TEX14: variants seen among roughly 807,000 people sequenced by gnomAD.
TEX14 encodes the protein inactive serine/threonine-protein kinase TEX14.
Under a neutral mutation model 178.6 loss-of-function variants are expected in TEX14, and 168 were observed. That is an observed-to-expected ratio of 0.94 (90% confidence interval 0.83 to 1.07). The LOEUF (loss-of-function observed/expected upper bound fraction) is 1.07, where lower values mean the gene tolerates loss of function less well. Ranked by LOEUF, TEX14 falls within the 50% of genes least tolerant of loss-of-function variation. TEX14 has a pLI of 0.00. For missense variants in TEX14, 1,730 were observed against 1,753.6 expected (o/e 0.99, Z 0.24); for synonymous variants, 626 against 634.1 (o/e 0.99, Z 0.19).
In TEX14 at chr17:58,652,984, T is replaced by C. The variant is rs189574445; in HGVS notation, c.-1-982A>G. Among the ~76,000 whole-genome samples, 52 of 152,334 alleles carry C rather than the reference T, an allele frequency of 3.4e-4. No homozygotes were observed. The East Asian group carries it at 4.8e-3, about 14-fold the overall frequency. ...ACGGAGTCTTACTCTGTCATCAGGC[T>C]GGAGTGCAGTGGCGCGATCTCAGCT... On this transcript the variant is annotated intron_variant, in intron 1 of 31. Transcript: ENST00000349033.
intron 1 of TEX14, among the ~76,000 whole-genome samples, chr17:58,668,288 T>C (rs115780263): frequency 0.022 from 3,424 of 152,282 alleles, 131 homozygotes; most frequent in African/African-American, 0.077. Context: ...CAAGACCCCA[T>C]TGCAGCGGTC....
At chr17:58,613,190 ACT>A (rs1249299138) in intron 9 of TEX14, among the ~76,000 whole-genome samples, 1 of 151,374 alleles carries the variant, frequency 6.6e-6, no homozygotes, top group African/African-American at 2.4e-5. Flanking sequence ...CAACAGAGGG[ACT>A]CTGTCTCAAA....
intron 19 of TEX14, among the ~76,000 whole-genome samples, chr17:58,580,290 A>C (rs1013079070): frequency 1.3e-5 from 2 of 152,108 alleles, no homozygotes; most frequent in African/African-American, 4.8e-5. Context: ...TATAGACATG[A>C]GCCACCACAC....
chr17:58,586,962 TC>T (rs1182935813), intron 17 of TEX14, among the ~76,000 whole-genome samples: 3 of 152,232 alleles, frequency 2.0e-5, no homozygotes, highest in African/African-American at 7.2e-5. Context: ...GCTGGTTCCC[TC>T]CTTGTACCCT....
rs2046010758 is a variant in TEX14, at chr17:58,622,076, G to T, written c.418-290C>A. Among the ~76,000 whole-genome samples, 3 of 152,222 alleles carry T rather than the reference G, an allele frequency of 2.0e-5. No individual in the cohort carries two copies. In the South Asian group the frequency reaches 6.2e-4, roughly 32 times the overall value. The stretch of plus-strand genomic sequence containing the variant: ...CTTTAATAAGCAGGAGCCCCAGAAA[G>T]GAGACTGCACACAGAGGGGCCTGGC... On this transcript the variant is annotated intron_variant, in intron 4 of 31. Coordinates refer to ENST00000349033, the MANE Select transcript of TEX14 (RefSeq NM_031272.5).
chr17:58,559,252 T>C (rs1342232535), intron 30 of TEX14, among the ~76,000 whole-genome samples: 1 of 152,096 alleles, frequency 6.6e-6, no homozygotes, highest in Non-Finnish European at 1.5e-5. Flanking sequence ...GCTTTGGAAA[T>C]AGAATTGGAT....
At chr17:58,608,642 C>T (rs1428383461) in intron 10 of TEX14, among the ~76,000 whole-genome samples, 1 of 152,194 alleles carries the variant, frequency 6.6e-6, no homozygotes, top group African/African-American at 2.4e-5. Context: ...TGATGAACTC[C>T]CCATCTGGTG....
intron 13 of TEX14, among the ~76,000 whole-genome samples, chr17:58,601,520 T>TTA (rs1327722536): frequency 1.6e-5 from 2 of 123,776 alleles, no homozygotes; most frequent in African/African-American, 6.4e-5. Context: ...AGATTCCATC[T>TTA]CAAAAAAAAA....
chr17:58,631,636 C>T (rs530157736), intron 2 of TEX14: 3 of 150,950 alleles, frequency 2.0e-5, no homozygotes, highest in African/African-American at 7.3e-5. Context: ...AAAAAAAAAC[C>T]CAGAACTACT....
chr17:58,622,777 C>T, intron 4 of TEX14, 70 bp downstream of exon 4: 1 of 1,468,572 alleles, frequency 6.8e-7, no homozygotes, highest in South Asian at 1.3e-5. Context: ...CTGTGCTGAC[C>T]ACTGGGAGCC....
intron 1 of TEX14, chr17:58,660,887 T>C (rs1210282613): frequency 1.2e-6 from 1 of 814,570 alleles, no homozygotes; most frequent in South Asian, 1.3e-5. Context: ...TGGAGGCCTC[T>C]TCTGGTGACA....
chr17:58,637,796 G>A (rs1013065540), intron 2 of TEX14, among the ~76,000 whole-genome samples: 7 of 151,880 alleles, frequency 4.6e-5, no homozygotes, highest in Admixed American at 4.6e-4. Context: ...CTGGGGAGTG[G>A]GTTGTGGGAA....
chr17:58,687,996 T>A (rs186654813), intron 1 of TEX14, among the ~76,000 whole-genome samples: 1 of 152,218 alleles, frequency 6.6e-6, no homozygotes, highest in African/African-American at 2.4e-5. Context: ...GTTTTAGTGA[T>A]CTAGTCTTCA....
intron 29 of TEX14, among the ~76,000 whole-genome samples, chr17:58,559,765 T>A (rs947940258): frequency 6.6e-6 from 1 of 152,172 alleles, no homozygotes; most frequent in Non-Finnish European, 1.5e-5. Context: ...CTATATAAGG[T>A]AGTTACCACT....
chr17:58,562,432 G>A (rs1207390151), intron 28 of TEX14, among the ~76,000 whole-genome samples: 1 of 152,188 alleles, frequency 6.6e-6, no homozygotes, highest in African/African-American at 2.4e-5. Context: ...TCTGTGGCCA[G>A]CACTGCTGGC....
At chr17:58,635,428 CTTT>C (rs548762963) in intron 2 of TEX14, among the ~76,000 whole-genome samples, 9 of 129,542 alleles carry the variant, frequency 6.9e-5, no homozygotes, top group African/African-American at 5.8e-5. Context: ...GGGCTTCTCT[CTTT>C]TTTTTTTTTT....
chr17:58,595,471 G>C (rs542221114), intron 14 of TEX14, among the ~76,000 whole-genome samples: 1 of 152,110 alleles, frequency 6.6e-6, no homozygotes, highest in Non-Finnish European at 1.5e-5. Flanking sequence ...GAATTTCTTC[G>C]ATCAACAGAA....
chr17:58,650,692 T>C (rs887690121), intron 2 of TEX14, among the ~76,000 whole-genome samples: 1 of 152,044 alleles, frequency 6.6e-6, no homozygotes, highest in Non-Finnish European at 1.5e-5. Flanking sequence ...AGACTGGTCT[T>C]GAACTCCTGG....
chr17:58,647,815 A>G (rs2046748327), intron 2 of TEX14, among the ~76,000 whole-genome samples: 1 of 151,970 alleles, frequency 6.6e-6, no homozygotes, highest in Admixed American at 6.6e-5. Flanking sequence ...CTCCTGCCTC[A>G]GCCTCCCAAG....
Sources: allele counts gnomAD v4.1 joint callset (sites outside exome capture counted in the v4.1 genomes callset), GRCh38; gene constraint gnomAD v4.1.1; transcripts MANE v1.5; gene names NCBI Gene and HGNC (gene_info 2026-07-23, HGNC 2026-07-21).